The following MIR2052HG variants were observed in gnomAD, a reference collection of about 807,000 sequenced individuals.
MIR2052HG encodes the protein MIR2052 host gene.
intron 4 of MIR2052HG, among the ~76,000 whole-genome samples, chr8:74,746,517 C>A (rs1192646781): frequency 6.6e-6 from 1 of 150,980 alleles, no homozygotes; most frequent in Non-Finnish European, 1.5e-5. Flanking sequence ...AATTAAAGTG[C>A]CATGGGAATG....
rs150865316 is a variant in MIR2052HG, at chr8:74,718,875, C to A, written n.371+15193C>A. ...TGATCTAATTACTTCTCAAAGGCCC[C>A]ATCTCCTAATACCATCACTCTGGGG... is the stretch of plus-strand genomic sequence containing the variant. On this transcript the variant is annotated intron_variant and non_coding_transcript_variant, in intron 4 of 6. Transcript: ENST00000523442. 9.2e-5 allele frequency among the ~76,000 whole-genome samples: 14 copies of A among 152,234 alleles called. No homozygotes were observed. In the East Asian group the frequency reaches 2.7e-3, roughly 29 times the overall value.
chr8:74,612,621 G>A (rs906100318), intron 1 of MIR2052HG: 1 of 292,962 alleles, frequency 3.4e-6, no homozygotes, highest in Non-Finnish European at 6.7e-6. Context: ...AGCCATAGAA[G>A]AAAAGAGGAG....
At chr8:74,610,822 C>A (rs1295014521) in intron 1 of MIR2052HG, among the ~76,000 whole-genome samples, 1 of 151,902 alleles carries the variant, frequency 6.6e-6, no homozygotes, top group Non-Finnish European at 1.5e-5. Flanking sequence ...CCACTGCCTA[C>A]CTTACATCAT....
intron 2 of MIR2052HG, among the ~76,000 whole-genome samples, chr8:74,638,918 G>C (rs1187602752): frequency 6.6e-6 from 1 of 152,148 alleles, no homozygotes; most frequent in Non-Finnish European, 1.5e-5. Context: ...AGGTTGAAAG[G>C]CTGAGGACTG....
rs1382994708 is a variant in MIR2052HG, at chr8:74,722,493, T to G, written n.371+18811T>G. Among the ~76,000 whole-genome samples the G allele has an allele frequency of 1.3e-5, 2 of 152,214 alleles. 1 individual carries two copies. The highest frequency in any genetic ancestry group is 4.8e-5 in the African/African-American group (2 of 41,462). ...AGAATATATCACTGACTATTGTTTT[T>G]TAAACCTATTTCTACATTATACATA... On this transcript the variant is annotated intron_variant and non_coding_transcript_variant, in intron 4 of 6. Coordinates refer to ENST00000523442, the Ensembl canonical transcript of MIR2052HG.
chr8:74,639,041 C>T (rs1312674538), intron 2 of MIR2052HG, among the ~76,000 whole-genome samples: 1 of 152,018 alleles, frequency 6.6e-6, no homozygotes, highest in Non-Finnish European at 1.5e-5. Flanking sequence ...GAGACTGAGT[C>T]CTTAGAAAAC....
intron 2 of MIR2052HG, among the ~76,000 whole-genome samples, chr8:74,659,188 C>G (rs915747267): frequency 2.6e-5 from 4 of 152,096 alleles, no homozygotes; most frequent in African/African-American, 7.2e-5. Context: ...CTAAGAAAGG[C>G]TAAATATGCT....
intron 2 of MIR2052HG, among the ~76,000 whole-genome samples, chr8:74,667,718 C>A (rs1306733538): frequency 6.6e-6 from 1 of 152,084 alleles, no homozygotes; most frequent in Non-Finnish European, 1.5e-5. Flanking sequence ...GTGTTTATTA[C>A]TGAGTACCAA....
chr8:74,678,563 CAAAAAAA>C (rs763073114), intron 2 of MIR2052HG, among the ~76,000 whole-genome samples: 8 of 53,532 alleles, frequency 1.5e-4, no homozygotes, highest in African/African-American at 2.8e-4. Flanking sequence ...GAGTTTGTCT[CAAAAAAA>C]AAAAAAAAAA....
At chr8:74,684,228 T>A (rs1366508486) in intron 2 of MIR2052HG, among the ~76,000 whole-genome samples, 3 of 152,082 alleles carry the variant, frequency 2.0e-5, no homozygotes, top group Non-Finnish European at 4.4e-5. Context: ...GTTTTGTCAC[T>A]GATTTGTGTG....
intron 4 of MIR2052HG, among the ~76,000 whole-genome samples, chr8:74,746,793 G>A (rs1403284446): frequency 6.6e-6 from 1 of 152,026 alleles, no homozygotes; most frequent in Non-Finnish European, 1.5e-5. Context: ...GTTTGAAATG[G>A]AGAGCACTGG....
intron 2 of MIR2052HG, among the ~76,000 whole-genome samples, chr8:74,701,338 G>A (rs1477665795): frequency 6.6e-6 from 1 of 152,078 alleles, no homozygotes; most frequent in Non-Finnish European, 1.5e-5. Flanking sequence ...TTTTTAAAAT[G>A]TAGTAAGCAT....
chr8:74,708,273 C>A (rs1191563268), intron 4 of MIR2052HG, among the ~76,000 whole-genome samples: 4 of 152,126 alleles, frequency 2.6e-5, no homozygotes, highest in Admixed American at 6.6e-5. Context: ...CTTCATCTTA[C>A]AAGAATGACT....
chr8:74,729,536 T>C (rs566241284), intron 4 of MIR2052HG, among the ~76,000 whole-genome samples: 12 of 152,228 alleles, frequency 7.9e-5, no homozygotes, highest in African/African-American at 2.4e-4. Context: ...ACAATAAATA[T>C]TTCTATGAAG....
At chr8:74,678,817 T>C (rs1809085453) in intron 2 of MIR2052HG, among the ~76,000 whole-genome samples, 1 of 152,068 alleles carries the variant, frequency 6.6e-6, no homozygotes, top group South Asian at 2.1e-4. Context: ...TCCAATCTCA[T>C]AGTTGAAAGT....
intron 2 of MIR2052HG, among the ~76,000 whole-genome samples, chr8:74,687,204 G>A (rs967103016): frequency 3.9e-5 from 6 of 152,128 alleles, no homozygotes; most frequent in African/African-American, 1.4e-4. Context: ...ATAAGTGTTG[G>A]TGGGGACTTC....
At chr8:74,613,780 C>G (rs1028850592) in intron 2 of MIR2052HG, among the ~76,000 whole-genome samples, 1 of 152,196 alleles carries the variant, frequency 6.6e-6, no homozygotes, top group Non-Finnish European at 1.5e-5. Flanking sequence ...AGCTGCCATG[C>G]CTGGCCTGCA....
chr8:74,720,547 C>G lies in MIR2052HG; in HGVS notation n.371+16865C>G, dbSNP rs58206037. Among the ~76,000 whole-genome samples the G allele has an allele frequency of 4.0e-3, 611 of 152,248 alleles. 6 individuals carry two copies. Among genetic ancestry groups the G allele is most frequent in the African/African-American group, 0.014 (564 of 41,528 alleles). ...CAATTATCTCTAGCTTTTCAGCTTG[C>G]ATTACTTGTGCCATGGTTGTTTTCT... On this transcript the variant is annotated intron_variant and non_coding_transcript_variant, in intron 4 of 6. Coordinates refer to ENST00000523442, the Ensembl canonical transcript of MIR2052HG.
At chr8:74,625,733 A>T (rs899808225) in intron 2 of MIR2052HG, among the ~76,000 whole-genome samples, 1 of 152,216 alleles carries the variant, frequency 6.6e-6, no homozygotes, top group African/African-American at 2.4e-5. Context: ...TTGAAATTAT[A>T]TTTTGTATTT....
Sources: gnomAD v4.1 joint callset for allele counts (sites outside exome capture counted in the v4.1 genomes callset) on GRCh38, gnomAD v4.1.1 for gene constraint, MANE v1.5 for transcripts, NCBI Gene and HGNC (gene_info 2026-07-23, HGNC 2026-07-21) for gene names.